The following RCC1L variants were observed in gnomAD, a reference collection of about 807,000 sequenced individuals.
RCC1L encodes the protein RCC1 like.
In RCC1L, 46 loss-of-function variants were observed where a neutral mutation model predicts 58.6. That is an observed-to-expected ratio of 0.79 (90% CI 0.62 to 1.00). The LOEUF is 1.00. Ranked by LOEUF, RCC1L falls within the 50% of genes least tolerant of loss-of-function variation. The pLI is 0.00. For missense variants in RCC1L, 636 were observed against 623.6 expected (o/e 1.02, Z -0.21); for synonymous variants, 281 against 262.9 (o/e 1.07, Z -0.67).
chr7:75,033,493 G>A (rs981314723), intron 10 of RCC1L, among the ~76,000 whole-genome samples: 2 of 152,018 alleles, frequency 1.3e-5, no homozygotes, highest in African/African-American at 2.4e-5. Flanking sequence ...TCAGGGGTTC[G>A]AGACCAGCCT....
chr7:75,051,627 G>A (rs1174656072), intron 10 of RCC1L, among the ~76,000 whole-genome samples: 3 of 152,046 alleles, frequency 2.0e-5, no homozygotes, highest in African/African-American at 7.2e-5. Flanking sequence ...TGGTCAGACT[G>A]GTCTCGAACT....
chr7:75,043,030 G>GT lies in RCC1L; in HGVS notation c.*1dup. 6.2e-7 allele frequency: 1 copy of GT among 1,614,040 alleles called. No individual in the cohort carries two copies. Among genetic ancestry groups the GT allele is most frequent in the East Asian group, 2.2e-5 (1 of 44,884 alleles). On this transcript the variant is annotated 3_prime_UTR_variant, in exon 11 of 11. Transcript: ENST00000610322. The stretch of plus-strand genomic sequence containing the variant: ...GGGGCCGCCCAAGCAGGTGAGGGAG[G>GT]TTTAGATGAATGACTTGGCCAGGGT...
chr7:75,073,380 GAGA>G lies in RCC1L; in HGVS notation c.324+31_324+33del, dbSNP rs72282724. The G allele has an allele frequency of 6.5e-3, 6,311 of 966,630 alleles. 114 individuals carry two copies. Among genetic ancestry groups the G allele is most frequent in the African/African-American group, 0.056 (3,223 of 57,838 alleles). 59.9% of individuals were successfully genotyped at this position (966,630 alleles called of 1,614,324 possible). A position where few individuals can be genotyped will look rare whatever the true frequency, so the allele number is the denominator to read the frequency against. On this transcript the variant is annotated intron_variant, in intron 1 of 10. Coordinates refer to ENST00000610322, the MANE Select transcript of RCC1L (RefSeq NM_030798.5). ...AGGGAGGCCGGGAGCGCGGAAGAGAGAGAAGGAGAGAAGGAGGAAGCCGCGGCC... is the reference window on the plus strand; with the variant it reads ...AGGGAGGCCGGGAGCGCGGAAGAGAGAGGAGAGAAGGAGGAAGCCGCGGCC...
intron 8 of RCC1L, chr7:75,056,847 C>G: frequency 3.0e-6 from 3 of 989,386 alleles, no homozygotes; most frequent in Non-Finnish European, 4.6e-6. Context: ...GAAACAGGGT[C>G]TCACCGTGTT....
chr7:75,052,577 T>G, intron 10 of RCC1L, 134 bp downstream of exon 10: 1 of 785,632 alleles, frequency 1.3e-6, no homozygotes, highest in Non-Finnish European at 2.1e-6. Context: ...GCTGCAGGAG[T>G]GCAGCCAGGA....
At position 75,052,786 on chromosome 7, in the gene RCC1L, C is replaced by T. The variant is rs587691606; in HGVS notation, c.1242G>A (p.Glu414=). The stretch of plus-strand genomic sequence containing the variant: ...GGATGTTCTTGCCCCATACAAACAG[C>T]TCTCCTTTGTCTGCAAAGGGAGGAA... ...SHFAALTNKG[E]LFVWGKNIRG... Residue 414 remains glutamate (E), a synonymous_variant, in exon 10 of 11, where the codon GAG becomes GAA. Transcript: ENST00000610322. The T allele has an allele frequency of 5.4e-5, 87 of 1,613,042 alleles. No individual in the cohort carries two copies. The South Asian group carries it at 8.8e-4, about 16-fold the overall frequency.
At chr7:75,043,905 C>T (rs931734628) in intron 10 of RCC1L, among the ~76,000 whole-genome samples, 29 of 152,266 alleles carry the variant, frequency 1.9e-4, no homozygotes, top group African/African-American at 6.7e-4. Flanking sequence ...TCATCTTACC[C>T]GTCACCCCCA....
chr7:75,031,287 G>T (rs895987595), intron 10 of RCC1L, among the ~76,000 whole-genome samples: 1 of 152,068 alleles, frequency 6.6e-6, no homozygotes. Flanking sequence ...CTCACCTGGC[G>T]TGCCCGGGTC....
intron 10 of RCC1L, among the ~76,000 whole-genome samples, chr7:75,048,711 G>C (rs1250358826): frequency 6.6e-6 from 1 of 152,270 alleles, no homozygotes; most frequent in Non-Finnish European, 1.5e-5. Flanking sequence ...GCTGCCTGCT[G>C]TAGGTCTGTG....
At chr7:75,069,731 T>C (rs1584506104) in intron 2 of RCC1L, among the ~76,000 whole-genome samples, 1 of 152,012 alleles carries the variant, frequency 6.6e-6, no homozygotes, top group East Asian at 1.9e-4. Context: ...GCCCGGCTAA[T>C]TTTTTATATT....
At chr7:75,036,585 T>C (rs1805434718) in intron 10 of RCC1L, among the ~76,000 whole-genome samples, 1 of 152,096 alleles carries the variant, frequency 6.6e-6, no homozygotes, top group Non-Finnish European at 1.5e-5. Flanking sequence ...TCAATCATCT[T>C]CTTCATCTTC....
At chr7:75,046,572 C>A (rs958285218) in intron 10 of RCC1L, among the ~76,000 whole-genome samples, 4 of 152,166 alleles carry the variant, frequency 2.6e-5, no homozygotes, top group Admixed American at 2.6e-4. Flanking sequence ...GGTTCCAGCT[C>A]CCCCTGGCGG....
intron 10 of RCC1L, among the ~76,000 whole-genome samples, chr7:75,051,419 TG>T (rs1469997393): frequency 3.3e-5 from 5 of 151,588 alleles, no homozygotes; most frequent in Non-Finnish European, 7.4e-5. Context: ...GCAAGTCCTT[TG>T]TTTTTTTTTG....
At chr7:75,054,221 T>C (rs1219211534) in intron 9 of RCC1L, among the ~76,000 whole-genome samples, 1 of 152,166 alleles carries the variant, frequency 6.6e-6, no homozygotes, top group Non-Finnish European at 1.5e-5. Flanking sequence ...AGGTGTTTAA[T>C]AGAACAATTC....
chr7:75,048,420 T>C (rs1448492131), intron 10 of RCC1L, among the ~76,000 whole-genome samples: 1 of 152,160 alleles, frequency 6.6e-6, no homozygotes, highest in East Asian at 1.9e-4. Flanking sequence ...GGAAGCACCG[T>C]CTACAGGCAG....
At chr7:75,041,394 C>A (rs1554442258), downstream of RCC1L, among the ~76,000 whole-genome samples, 1 of 152,072 alleles carries the variant, frequency 6.6e-6, no homozygotes, top group African/African-American at 2.4e-5. Context: ...CACCACATGC[C>A]CCAGCATGAG....
intron 7 of RCC1L, chr7:75,057,960 C>G: frequency 2.9e-6 from 1 of 346,384 alleles, no homozygotes; most frequent in Non-Finnish European, 5.7e-6. Flanking sequence ...GAGTTCGAGA[C>G]CAGCCTGGCC....
At chr7:75,036,982 G>C (rs1466052754) in intron 10 of RCC1L, among the ~76,000 whole-genome samples, 1 of 152,098 alleles carries the variant, frequency 6.6e-6, no homozygotes, top group African/African-American at 2.4e-5. Flanking sequence ...CCGTTAGCCT[G>C]AGCCTATCCA....
intron 1 of RCC1L, 24 bp downstream of exon 1, chr7:75,073,390 G>C: frequency 9.6e-7 from 1 of 1,045,142 alleles, no homozygotes; most frequent in Non-Finnish European, 1.3e-6. Context: ...GAGAAGGAGA[G>C]AAGGAGGAAG....
Sources: gnomAD v4.1 joint callset for allele counts (sites outside exome capture counted in the v4.1 genomes callset) on GRCh38, gnomAD v4.1.1 for gene constraint, MANE v1.5 for transcripts, NCBI Gene and HGNC (gene_info 2026-07-23, HGNC 2026-07-21) for gene names.